CHD6: variants seen among roughly 807,000 people sequenced by gnomAD.
CHD6 encodes the protein ATP-dependent chromatin remodeler CHD6.
In CHD6, 50 loss-of-function variants were observed where a neutral mutation model predicts 276.9. That is an observed-to-expected ratio of 0.18 (90% CI 0.14 to 0.23). The LOEUF (loss-of-function observed/expected upper bound fraction) is 0.23, where lower values mean the gene tolerates loss of function less well. CHD6 is among the 10% of genes least tolerant of loss of function. CHD6 has a pLI of 1.00. For missense variants in CHD6, 2,564 were observed against 3,365.8 expected (o/e 0.76, Z 5.89); for synonymous variants, 1,173 against 1,229.3 (o/e 0.95, Z 0.96).
intron 1 of CHD6, among the ~76,000 whole-genome samples, chr20:41,575,713 C>T (rs937821457): frequency 6.6e-6 from 1 of 152,236 alleles, no homozygotes; most frequent in Admixed American, 6.5e-5. Flanking sequence ...TACACCAAAT[C>T]CAATCATTTC....
chr20:41,426,246 A>C (rs912225575), intron 27 of CHD6, 93 bp from the exon 28 acceptor site: 10 of 874,906 alleles, frequency 1.1e-5, no homozygotes, highest in Non-Finnish European at 2.0e-5. Context: ...AGCATCACGC[A>C]TAAGAGCTGT....
intron 3 of CHD6, among the ~76,000 whole-genome samples, chr20:41,520,640 A>G (rs2044369109): frequency 7.2e-6 from 1 of 139,560 alleles, no homozygotes; most frequent in Non-Finnish European, 1.6e-5. Context: ...TGGACACAGG[A>G]AGGGGAACAT....
At chr20:41,613,465 C>G (rs1313857813) in intron 1 of CHD6, among the ~76,000 whole-genome samples, 1 of 152,200 alleles carries the variant, frequency 6.6e-6, no homozygotes, top group Non-Finnish European at 1.5e-5. Flanking sequence ...TTAACTCTAT[C>G]AGGCTGCAAG....
At chr20:41,414,976 T>C in intron 34 of CHD6, 1 of 1,402,092 alleles carries the variant, frequency 7.1e-7, no homozygotes, top group Non-Finnish European at 9.2e-7. Context: ...GGCTCATTTC[T>C]CCAGGCTGTA....
chr20:41,571,242 G>GTATC (rs2045412422), intron 1 of CHD6, among the ~76,000 whole-genome samples: 1 of 151,998 alleles, frequency 6.6e-6, no homozygotes, highest in Non-Finnish European at 1.5e-5. Flanking sequence ...GAACAAAGAG[G>GTATC]TATCTGTGAG....
At chr20:41,574,982 G>A (rs1451070472) in intron 1 of CHD6, among the ~76,000 whole-genome samples, 1 of 152,220 alleles carries the variant, frequency 6.6e-6, no homozygotes, top group African/African-American at 2.4e-5. Flanking sequence ...GACTAGGAGT[G>A]TAACTTTGTA....
chr20:41,483,404 T>C lies in CHD6; in HGVS notation c.2373A>G (p.Leu791=). 1.2e-6 allele frequency: 2 copies of C among 1,613,528 alleles called. No homozygotes were observed. The highest frequency in any genetic ancestry group is 1.7e-5 in the Admixed American group (1 of 59,930). ...GGCCACCTGCAATCAGCTTAGGGAG[T>C]AGTTTATCAATCAACACAAGCTTTC... is the stretch of plus-strand genomic sequence containing the variant. The part of the protein sequence containing the change: ...AAGKLVLIDK[L]LPKLIAGGHK... Residue 791 remains leucine (L), a synonymous_variant, in exon 16 of 37, where the codon CTA becomes CTG. Transcript: ENST00000373233.
rs1327466022 is a variant in CHD6 at position 41,425,381 on chromosome 20, G to A, written c.4143C>T (p.Ser1381=). ...CTGGCCAGGGCGATTTGTCTGGGTC[G>A]GAGCCATCCTGGGCTTCAAACATCA... ...KDDSRAAQDG[S]DPDKSPWPVS... Residue 1381 remains serine (S), a synonymous_variant, in exon 29 of 37, where the codon TCC becomes TCT. Coordinates refer to ENST00000373233, the MANE Select transcript of CHD6 (RefSeq NM_032221.5). The A allele has an allele frequency of 1.9e-6, 3 of 1,613,772 alleles. No homozygotes were observed. The highest frequency in any genetic ancestry group is 2.5e-6 in the Non-Finnish European group (3 of 1,179,946).
At chr20:41,522,710 T>A (rs2044433559) in intron 3 of CHD6, among the ~76,000 whole-genome samples, 1 of 151,894 alleles carries the variant, frequency 6.6e-6, no homozygotes, top group Non-Finnish European at 1.5e-5. Context: ...ATAATATAAG[T>A]ATATATACAT....
At chr20:41,530,411 T>C (rs1326348885) in intron 3 of CHD6, among the ~76,000 whole-genome samples, 1 of 152,092 alleles carries the variant, frequency 6.6e-6, no homozygotes, top group Non-Finnish European at 1.5e-5. Flanking sequence ...AATCCAAGCA[T>C]TAAGTGAGTC....
chr20:41,594,882 T>A (rs2045701927), intron 1 of CHD6, among the ~76,000 whole-genome samples: 1 of 152,244 alleles, frequency 6.6e-6, no homozygotes, highest in South Asian at 2.1e-4. Flanking sequence ...TAAAAACCCC[T>A]GCCCTACCCT....
chr20:41,535,945 C>T (rs372644301), intron 2 of CHD6, among the ~76,000 whole-genome samples: 4 of 152,098 alleles, frequency 2.6e-5, no homozygotes, highest in East Asian at 3.8e-4. Context: ...GATGAAAAAG[C>T]AGATATTAGT....
At chr20:41,413,787 GT>G in intron 34 of CHD6, 1 of 274,028 alleles carries the variant, frequency 3.6e-6, no homozygotes, top group South Asian at 1.0e-4. Flanking sequence ...GCCGGATTCA[GT>G]TTTCCTCCTC....
chr20:41,595,916 G>A (rs552050168), intron 1 of CHD6, among the ~76,000 whole-genome samples: 6 of 152,030 alleles, frequency 3.9e-5, no homozygotes, highest in South Asian at 2.1e-4. Context: ...CTGTGCTGGC[G>A]GCAGGGGCCT....
chr20:41,461,552 G>A (rs369806445), intron 17 of CHD6, among the ~76,000 whole-genome samples: 4 of 152,214 alleles, frequency 2.6e-5, no homozygotes, highest in South Asian at 4.1e-4. Flanking sequence ...TTCTCTTGCC[G>A]CTTCCATGTA....
intron 1 of CHD6, among the ~76,000 whole-genome samples, chr20:41,554,486 G>A (rs2045192179): frequency 6.6e-6 from 1 of 151,700 alleles, no homozygotes; most frequent in South Asian, 2.1e-4. Flanking sequence ...AAGGTCAGCA[G>A]ATAAACAAGT....
At chr20:41,513,118 C>A in intron 4 of CHD6, 123 bp from the exon 5 acceptor site, 1 of 1,056,492 alleles carries the variant, frequency 9.5e-7, no homozygotes, top group East Asian at 2.4e-5. Context: ...CAAAAGAAAT[C>A]TTTCTTAAAT....
intron 20 of CHD6, among the ~76,000 whole-genome samples, chr20:41,453,530 C>T (rs1244162124): frequency 1.3e-5 from 2 of 152,188 alleles, no homozygotes; most frequent in Non-Finnish European, 2.9e-5. Context: ...TTGCTTCCTG[C>T]TCCTCACTCC....
At chr20:41,598,013 T>G (rs1360059333) in intron 1 of CHD6, among the ~76,000 whole-genome samples, 1 of 152,168 alleles carries the variant, frequency 6.6e-6, no homozygotes, top group African/African-American at 2.4e-5. Flanking sequence ...TGGTCCAATG[T>G]TCTATGGACT....
Sources: allele counts gnomAD v4.1 joint callset (sites outside exome capture counted in the v4.1 genomes callset), GRCh38; gene constraint gnomAD v4.1.1; transcripts MANE v1.5; gene names NCBI Gene and HGNC (gene_info 2026-07-23, HGNC 2026-07-21).